MLKL: variants seen among roughly 807,000 people sequenced by gnomAD.
MLKL encodes mixed lineage kinase domain-like protein.
Under a neutral mutation model 56.5 loss-of-function variants are expected in MLKL, and 55 were observed. That is an observed-to-expected ratio of 0.97 (90% confidence interval 0.78 to 1.22). MLKL has a LOEUF of 1.22. Among genes scored for constraint, MLKL ranks in the 50% most tolerant of loss-of-function variants. MLKL has a pLI of 0.00. For synonymous variants in MLKL, 251 were observed against 208.3 expected (o/e 1.20, Z -1.76); for missense variants, 694 against 573.9 (o/e 1.21, Z -2.14).
intron 5 of MLKL, among the ~76,000 whole-genome samples, chr16:74,683,425 G>T (rs912693003): frequency 1.4e-4 from 21 of 151,322 alleles, no homozygotes; most frequent in Admixed American, 9.2e-4. Context: ...ATGAAACCTC[G>T]TCTCTATGAA....
intron 2 of MLKL, among the ~76,000 whole-genome samples, chr16:74,694,195 G>A (rs150446315): frequency 6.6e-6 from 1 of 152,290 alleles, no homozygotes; most frequent in African/African-American, 2.4e-5. Flanking sequence ...CTCCAGAAGG[G>A]TATTCAAGAA....
intron 5 of MLKL, among the ~76,000 whole-genome samples, chr16:74,684,655 C>T (rs976925765): frequency 7.3e-5 from 11 of 150,996 alleles, no homozygotes; most frequent in African/African-American, 1.7e-4. Flanking sequence ...CCACCACATC[C>T]GGCTAATTTT....
At chr16:74,677,206 C>G (rs567515245) in intron 7 of MLKL, 10 of 152,362 alleles carry the variant, frequency 6.6e-5, no homozygotes, top group Admixed American at 2.0e-4. Flanking sequence ...GCACCTGCCA[C>G]CACGCCTGGC....
At chr16:74,675,848 G>C in intron 7 of MLKL, 84 bp from the exon 8 acceptor site, 1 of 1,377,958 alleles carries the variant, frequency 7.3e-7, no homozygotes, top group Non-Finnish European at 1.0e-6. Context: ...ACACACAATT[G>C]CCAGGGAATT....
chr16:74,673,680 T>C (rs1959381875), intron 10 of MLKL, among the ~76,000 whole-genome samples: 1 of 150,836 alleles, frequency 6.6e-6, no homozygotes, highest in South Asian at 2.1e-4. Context: ...ATCCCAAGGA[T>C]GCTGAAAAAA....
Position 74,674,230 on chromosome 16 carries a change from G to A in MLKL, c.1381+730C>T, listed in dbSNP as rs189054636. ...AGCGCAGTGGCGTGATCCTGACTCT[G>A]CAACCTCTGCCTCCTGGGTTCAAGT... On this transcript the variant is annotated intron_variant, in intron 10 of 10. Transcript: ENST00000308807. Among the ~76,000 whole-genome samples, 34 of 148,368 alleles carry A rather than the reference G, an allele frequency of 2.3e-4. No individual in the cohort carries two copies. The Admixed American group carries it at 2.3e-3, about 10-fold the overall frequency.
intron 7 of MLKL, chr16:74,676,304 G>A: frequency 1.0e-6 from 1 of 986,082 alleles, no homozygotes; most frequent in South Asian, 4.7e-5. Flanking sequence ...CGGTCACCTG[G>A]TGTTCTTAAA....
intron 5 of MLKL, 126 bp downstream of exon 5, chr16:74,685,360 T>G: frequency 1.4e-6 from 1 of 713,638 alleles, no homozygotes; most frequent in Admixed American, 2.7e-5. Context: ...AAATTAACAT[T>G]GATAATAATC....
At chr16:74,691,247 C>CTT (rs977386333) in intron 4 of MLKL, 30 bp downstream of exon 4, 2 of 1,576,078 alleles carry the variant, frequency 1.3e-6, no homozygotes, top group African/African-American at 2.7e-5. Context: ...AGTATTGGTA[C>CTT]ACACGAGAGA....
intron 1 of MLKL, among the ~76,000 whole-genome samples, chr16:74,697,871 A>G (rs1961142073): frequency 2.0e-5 from 3 of 152,136 alleles, no homozygotes; most frequent in Non-Finnish European, 4.4e-5. Context: ...GGTTGCATTC[A>G]AATAATCACA....
chr16:74,691,447 G>T lies in MLKL; in HGVS notation c.552C>A (p.Cys184Ter). The T allele has an allele frequency of 6.2e-7, 1 of 1,613,252 alleles. No homozygotes were observed. The highest frequency in any genetic ancestry group is 8.5e-7 in the Non-Finnish European group (1 of 1,179,840). Reference protein sequence around the residue: ...ETLRQYLPPKCMQEIPQEQIK... With the variant: ...ETLRQYLPPK The stretch of plus-strand genomic sequence containing the variant: ...TTTGCTCTTGCGGGATCTCCTGCAT[G>T]CATTTTGGTGGTAAATCTGACCTCA... Residue 184 changes from cysteine (C) to a stop codon, truncating the protein, a stop_gained, in exon 4 of 11, where the codon TGC becomes TGA. Transcript: ENST00000308807. LOFTEE classifies it high-confidence loss of function.
intron 6 of MLKL, 125 bp downstream of exon 6, chr16:74,682,526 G>C (rs1029352911): frequency 7.7e-5 from 102 of 1,328,422 alleles, no homozygotes; most frequent in Non-Finnish European, 9.8e-5. Flanking sequence ...AGAGTAAATA[G>C]TAAAACAGTG....
chr16:74,698,280 T>A (rs1199069940), intron 1 of MLKL, among the ~76,000 whole-genome samples: 3 of 151,348 alleles, frequency 2.0e-5, no homozygotes, highest in African/African-American at 4.9e-5. Flanking sequence ...TTTTAACAGC[T>A]CAGTGAAATA....
At chr16:74,684,101 C>A (rs1960168736) in intron 5 of MLKL, among the ~76,000 whole-genome samples, 1 of 151,886 alleles carries the variant, frequency 6.6e-6, no homozygotes, top group Non-Finnish European at 1.5e-5. Flanking sequence ...GCACCCACCA[C>A]CACGCCCAGT....
intron 4 of MLKL, among the ~76,000 whole-genome samples, chr16:74,687,961 G>T (rs980449760): frequency 1.3e-5 from 2 of 152,142 alleles, no homozygotes; most frequent in African/African-American, 2.4e-5. Flanking sequence ...GAGTAGCTGG[G>T]ACTACAGGTG....
At chr16:74,700,231 T>G (rs1397929268) in intron 1 of MLKL, among the ~76,000 whole-genome samples, 1 of 152,080 alleles carries the variant, frequency 6.6e-6, no homozygotes, top group East Asian at 1.9e-4. Context: ...GCCCCTGCCC[T>G]CCACGACCCC....
chr16:74,685,601 A>C lies in MLKL; in HGVS notation c.723-18T>G. ...TCACTATTCTATAAGGATTAAAGAGAGAAATCAGGATTTCAGAACTGGAAG... is the reference window on the plus strand; with the variant it reads ...TCACTATTCTATAAGGATTAAAGAGCGAAATCAGGATTTCAGAACTGGAAG... On this transcript the variant is annotated intron_variant, in intron 4 of 10. Transcript: ENST00000308807. 1 of 1,594,830 alleles carries C rather than the reference A, an allele frequency of 6.3e-7. No individual in the cohort carries two copies. The highest frequency in any genetic ancestry group is 8.6e-7 in the Non-Finnish European group (1 of 1,162,934).
intron 10 of MLKL, among the ~76,000 whole-genome samples, chr16:74,673,860 G>C (rs1959396152): frequency 1.3e-5 from 2 of 150,812 alleles, no homozygotes; most frequent in South Asian, 2.1e-4. Flanking sequence ...AGGATCACTT[G>C]AGCCCAGGAG....
chr16:74,682,937 C>G, intron 5 of MLKL, 151 bp from the exon 6 acceptor site: 2 of 893,712 alleles, frequency 2.2e-6, no homozygotes, highest in Middle Eastern at 2.3e-4. Context: ...TTTTGGTCCC[C>G]GGCCTCCTTG....
Sources: gnomAD v4.1 joint callset for allele counts (sites outside exome capture counted in the v4.1 genomes callset) on GRCh38, gnomAD v4.1.1 for gene constraint, MANE v1.5 for transcripts, NCBI Gene and HGNC (gene_info 2026-07-23, HGNC 2026-07-21) for gene names.